Variants in PTPN4 observed in about 807,000 individuals in gnomAD.
The protein encoded by PTPN4 is protein tyrosine phosphatase non-receptor type 4.
A neutral mutation model predicts 135.5 loss-of-function variants in PTPN4; 49 were observed. The observed-to-expected ratio is 0.36, with a 90% CI of 0.29 to 0.46. PTPN4 has a LOEUF of 0.46. Among genes scored for constraint, PTPN4 ranks in the 20% least tolerant of loss-of-function variants. PTPN4 has a pLI of 1.00. For missense variants in PTPN4, 860 were observed against 1,101.0 expected (o/e 0.78, Z 3.10); for synonymous variants, 333 against 369.9 (o/e 0.90, Z 1.14).
rs183353340 is a variant in PTPN4 at position 119,762,600 on chromosome 2, C to A, written c.-18+2216C>A. Among the ~76,000 whole-genome samples the A allele has an allele frequency of 2.8e-3, 431 of 152,132 alleles. 1 individual carries two copies. Among genetic ancestry groups the A allele is most frequent in the Non-Finnish European group, 4.7e-3 (317 of 67,924 alleles). ...TGTTATTGAGAGTACTTCTGCCCCC[C>A]GCTTGAGAGTTAATATGGCCACTTT... is the stretch of plus-strand genomic sequence containing the variant. On this transcript the variant is annotated intron_variant, in intron 1 of 26. Transcript: ENST00000263708.
At chr2:119,838,691 G>A (rs1458900224) in intron 2 of PTPN4, among the ~76,000 whole-genome samples, 1 of 152,170 alleles carries the variant, frequency 6.6e-6, no homozygotes, top group Non-Finnish European at 1.5e-5. Context: ...TATCCCTTGA[G>A]CTTTAGAGAT....
rs573076596 is a variant in PTPN4 at position 119,853,122 on chromosome 2, G to A, written c.139-9414G>A. On this transcript the variant is annotated intron_variant, in intron 2 of 26. Coordinates refer to ENST00000263708, the MANE Select transcript of PTPN4 (RefSeq NM_002830.4). ...TTGTCGAGTAGAGTGCCCTAGAAAT[G>A]TCAGTCAATCCTATTAGTTAATATG... Among the ~76,000 whole-genome samples the A allele has an allele frequency of 2.6e-5, 4 of 152,246 alleles. No homozygotes were observed. The East Asian group carries it at 5.8e-4, about 22-fold the overall frequency.
chr2:119,957,575 G>A (rs1434995338), intron 22 of PTPN4, among the ~76,000 whole-genome samples: 4 of 139,636 alleles, frequency 2.9e-5, no homozygotes, highest in Non-Finnish European at 6.2e-5. Flanking sequence ...CAAAAAGGTT[G>A]GGGACCACTA....
At chr2:119,914,304 T>G (rs1678618565) in intron 10 of PTPN4, among the ~76,000 whole-genome samples, 1 of 147,888 alleles carries the variant, frequency 6.8e-6, no homozygotes. Context: ...CCTCTCTCTA[T>G]GACAGAATAT....
Position 119,920,158 on chromosome 2 carries a change from A to G in PTPN4, c.918A>G (p.Thr306=). The G allele has an allele frequency of 3.1e-6, 5 of 1,613,660 alleles. No individual in the cohort carries two copies. ...NLWKACVEHH[T]FFRLDRPLPP... ...GGAAAGCATGTGTAGAACATCACAC[A>G]TTCTTCCGTTTGGACAGACCACTTC... Residue 306 remains threonine, a synonymous_variant, in exon 12 of 27, where the codon ACA becomes ACG. Transcript: ENST00000263708.
In PTPN4 at chr2:119,889,117, T is replaced by C. The variant is rs1678201482; in HGVS notation, c.675+3235T>C. ...GTTTCCCAGTTTGTCAGCTTGTAGT[T>C]GTTCGTAATAGTCTCTGATGGGCTG... On this transcript the variant is annotated intron_variant, in intron 9 of 26. Coordinates refer to ENST00000263708, the MANE Select transcript of PTPN4 (RefSeq NM_002830.4). Among the ~76,000 whole-genome samples the C allele has an allele frequency of 3.3e-5, 5 of 152,134 alleles. No individual in the cohort carries two copies. The South Asian group carries it at 1.0e-3, about 31-fold the overall frequency.
In PTPN4 at chr2:119,890,917, T is replaced by C. The variant is rs182847830; in HGVS notation, c.675+5035T>C. 3.0e-4 allele frequency among the ~76,000 whole-genome samples: 45 copies of C among 152,344 alleles called. No homozygotes were observed. In the East Asian group the frequency reaches 7.5e-3, roughly 25 times the overall value. On this transcript the variant is annotated intron_variant, in intron 9 of 26. Transcript: ENST00000263708. ...TCAGCACTTTCAGTATATCATTCTATTGTCTTCCGGCCTATAAAATTTCTG... is the reference window on the plus strand; with the variant it reads ...TCAGCACTTTCAGTATATCATTCTACTGTCTTCCGGCCTATAAAATTTCTG...
At chr2:119,918,659 G>T (rs776839950) in intron 11 of PTPN4, among the ~76,000 whole-genome samples, 1 of 152,134 alleles carries the variant, frequency 6.6e-6, no homozygotes, top group Non-Finnish European at 1.5e-5. Context: ...TGGTGGGAGG[G>T]ATTGTATATT....
intron 2 of PTPN4, among the ~76,000 whole-genome samples, chr2:119,844,300 C>A (rs1207629834): frequency 2.2e-5 from 3 of 137,054 alleles, no homozygotes; most frequent in African/African-American, 8.2e-5. Flanking sequence ...CACCTCCCTC[C>A]CGGACGGGGC....
intron 1 of PTPN4, among the ~76,000 whole-genome samples, chr2:119,766,501 T>C (rs958760020): frequency 2.0e-5 from 3 of 146,866 alleles, no homozygotes; most frequent in African/African-American, 7.9e-5. Context: ...TGTGTGTGTG[T>C]GTGTGTGTGA....
chr2:119,838,790 C>G (rs1295246805), intron 2 of PTPN4, among the ~76,000 whole-genome samples: 1 of 152,210 alleles, frequency 6.6e-6, no homozygotes, highest in Non-Finnish European at 1.5e-5. Flanking sequence ...ACTAAAAGCA[C>G]ATAAACTTTA....
At chr2:119,932,579 G>C (rs915922936) in intron 14 of PTPN4, 30 bp downstream of exon 14, 1 of 1,547,992 alleles carries the variant, frequency 6.5e-7, no homozygotes, top group Non-Finnish European at 8.7e-7. Context: ...CCAACATCAG[G>C]TGTGAATTTT....
chr2:119,820,260 C>T (rs1558735643), intron 2 of PTPN4, among the ~76,000 whole-genome samples: 2 of 152,140 alleles, frequency 1.3e-5, no homozygotes, highest in African/African-American at 4.8e-5. Context: ...GTATGTCTCT[C>T]CTGAAGCTCA....
chr2:119,960,777 C>A, intron 22 of PTPN4, 30 bp from the exon 23 acceptor site: 1 of 1,599,620 alleles, frequency 6.3e-7, no homozygotes, highest in Middle Eastern at 1.8e-4. Context: ...TAATGCAAAA[C>A]ATTTTATTTT....
chr2:119,909,696 G>C (rs1203915973), intron 10 of PTPN4, among the ~76,000 whole-genome samples: 4 of 152,134 alleles, frequency 2.6e-5, no homozygotes, highest in Non-Finnish European at 5.9e-5. Flanking sequence ...CTTTTGGAAA[G>C]GATTTACCAT....
intron 9 of PTPN4, among the ~76,000 whole-genome samples, chr2:119,893,358 A>T (rs1678270312): frequency 6.6e-6 from 1 of 152,218 alleles, no homozygotes; most frequent in Non-Finnish European, 1.5e-5. Context: ...AACTTTTACT[A>T]AGTTGGGAAA....
At chr2:119,819,158 C>G (rs569186647) in intron 2 of PTPN4, among the ~76,000 whole-genome samples, 1 of 152,150 alleles carries the variant, frequency 6.6e-6, no homozygotes, top group Non-Finnish European at 1.5e-5. Flanking sequence ...TCTGCTTGGG[C>G]TTTGTTTCTC....
chr2:119,922,218 TA>T (rs34480531), intron 12 of PTPN4, among the ~76,000 whole-genome samples: 3,460 of 120,826 alleles, frequency 0.029, 49 homozygotes, highest in Non-Finnish European at 0.037. Flanking sequence ...CAATCTGATT[TA>T]AAAAAAAAAA....
intron 3 of PTPN4, among the ~76,000 whole-genome samples, chr2:119,863,325 A>T (rs931148996): frequency 3.3e-5 from 5 of 152,106 alleles, no homozygotes; most frequent in African/African-American, 1.2e-4. Context: ...ATACAAGCAA[A>T]TTCTGATTGA....
Sources: gnomAD v4.1 joint callset for allele counts (sites outside exome capture counted in the v4.1 genomes callset) on GRCh38, gnomAD v4.1.1 for gene constraint, MANE v1.5 for transcripts, NCBI Gene and HGNC (gene_info 2026-07-23, HGNC 2026-07-21) for gene names.